ADAM2: variants seen among roughly 807,000 people sequenced by gnomAD.
ADAM2 encodes the protein disintegrin and metalloproteinase domain-containing protein 2.
In ADAM2, 101 loss-of-function variants were observed where a neutral mutation model predicts 99.3. That is an observed-to-expected ratio of 1.02 (90% confidence interval 0.87 to 1.20). ADAM2 has a LOEUF of 1.20. ADAM2 is among the 50% of genes most tolerant of loss of function. The pLI is 0.00. For missense variants in ADAM2, 948 were observed against 878.7 expected (o/e 1.08, Z -1.00); for synonymous variants, 323 against 287.6 (o/e 1.12, Z -1.25).
At chr8:39,751,785 C>A (rs1403399418) in intron 16 of ADAM2, among the ~76,000 whole-genome samples, 1 of 151,982 alleles carries the variant, frequency 6.6e-6, no homozygotes, top group Non-Finnish European at 1.5e-5. Flanking sequence ...CCTACAGAAA[C>A]CTTCTTGTTA....
At chr8:39,749,264 A>C (rs753173345) in intron 18 of ADAM2, 48 bp downstream of exon 18, 7 of 1,484,802 alleles carry the variant, frequency 4.7e-6, no homozygotes, top group Non-Finnish European at 5.5e-6. Context: ...CAATTTAATA[A>C]ATTCAAATTA....
chr8:39,817,514 A>G (rs999492731), intron 6 of ADAM2, among the ~76,000 whole-genome samples: 1 of 152,194 alleles, frequency 6.6e-6, no homozygotes, highest in African/African-American at 2.4e-5. Flanking sequence ...TAAACAAATG[A>G]TAAATGTTTA....
Position 39,749,470 on chromosome 8 carries a change from C to G in ADAM2, c.1876-20G>C. On this transcript the variant is annotated intron_variant, in intron 17 of 20. Coordinates refer to ENST00000265708, the MANE Select transcript of ADAM2 (RefSeq NM_001464.5). ...GCATACCTAAAAGAAGGAGAAATAT[C>G]ACCTTATAAGATAAGCAACTAGATT... 2 of 1,606,608 alleles carry G rather than the reference C, an allele frequency of 1.2e-6. No homozygotes were observed. The highest frequency in any genetic ancestry group is 1.7e-6 in the Non-Finnish European group (2 of 1,174,914).
At chr8:39,801,208 C>T (rs1159958654) in intron 7 of ADAM2, among the ~76,000 whole-genome samples, 1 of 152,034 alleles carries the variant, frequency 6.6e-6, no homozygotes, top group Non-Finnish European at 1.5e-5. Flanking sequence ...TTGTGGGGGC[C>T]TTTTGTTGTT....
intron 6 of ADAM2, among the ~76,000 whole-genome samples, chr8:39,810,265 G>A (rs919579177): frequency 2.6e-5 from 4 of 152,128 alleles, no homozygotes; most frequent in Admixed American, 2.6e-4. Context: ...CCAAATACAG[G>A]AGCACCCAGA....
At chr8:39,780,961 C>T (rs969270352) in intron 10 of ADAM2, among the ~76,000 whole-genome samples, 3 of 151,542 alleles carry the variant, frequency 2.0e-5, no homozygotes, top group African/African-American at 7.3e-5. Flanking sequence ...TCAATTATTG[C>T]CCTTTGGAAT....
chr8:39,771,576 T>G (rs893079527), intron 11 of ADAM2, among the ~76,000 whole-genome samples: 1 of 152,148 alleles, frequency 6.6e-6, no homozygotes. Flanking sequence ...AGTTTTAAGG[T>G]AATAAACTTG....
At chr8:39,812,750 C>T (rs1050102104) in intron 6 of ADAM2, among the ~76,000 whole-genome samples, 4 of 152,104 alleles carry the variant, frequency 2.6e-5, no homozygotes, top group Non-Finnish European at 5.9e-5. Flanking sequence ...CCCTTCCTTA[C>T]CTTATACAAA....
intron 7 of ADAM2, among the ~76,000 whole-genome samples, chr8:39,806,199 A>G (rs781315894): frequency 3.9e-5 from 6 of 152,154 alleles, no homozygotes; most frequent in East Asian, 1.9e-4. Flanking sequence ...TGACCAGTCA[A>G]TAAGATATGC....
At chr8:39,819,476 G>A (rs1361369408) in intron 6 of ADAM2, among the ~76,000 whole-genome samples, 1 of 152,020 alleles carries the variant, frequency 6.6e-6, no homozygotes, top group Non-Finnish European at 1.5e-5. Flanking sequence ...ACTTGGCTGG[G>A]CCACTGTGCC....
intron 6 of ADAM2, among the ~76,000 whole-genome samples, chr8:39,812,494 C>G (rs1224748021): frequency 2.6e-5 from 4 of 152,098 alleles, no homozygotes. Flanking sequence ...AAGAACAAAG[C>G]TGGAGGCATC....
At chr8:39,749,155 ACT>A (rs1220599877) in intron 18 of ADAM2, among the ~76,000 whole-genome samples, 155 bp downstream of exon 18, 1 of 152,032 alleles carries the variant, frequency 6.6e-6, no homozygotes, top group African/African-American at 2.4e-5. Flanking sequence ...GTAATATATT[ACT>A]CTCTGGAAGT....
intron 6 of ADAM2, among the ~76,000 whole-genome samples, chr8:39,814,100 G>A (rs1330092552): frequency 2.0e-5 from 3 of 152,040 alleles, no homozygotes; most frequent in Admixed American, 2.0e-4. Context: ...GCTCACACCT[G>A]TAATCCCAGC....
chr8:39,825,686 G>A (rs1805369846), intron 3 of ADAM2, among the ~76,000 whole-genome samples: 1 of 151,830 alleles, frequency 6.6e-6, no homozygotes, highest in South Asian at 2.1e-4. Flanking sequence ...CAAGAAAAAA[G>A]GATGTTACTT....
chr8:39,798,629 TG>T (rs1455226751), intron 7 of ADAM2, among the ~76,000 whole-genome samples: 1 of 152,220 alleles, frequency 6.6e-6, no homozygotes, highest in Non-Finnish European at 1.5e-5. Context: ...AGCTCCTCTT[TG>T]TATTTCTGGT....
Position 39,749,651 on chromosome 8 carries a change from T to G in ADAM2, c.1875+16A>C, listed in dbSNP as rs374432502. 6.2e-7 allele frequency: 1 copy of G among 1,601,448 alleles called. No homozygotes were observed. Among genetic ancestry groups the G allele is most frequent in the African/African-American group, 1.3e-5 (1 of 74,556 alleles). ...CTCAATGATTTCTATTTTCACCTCATAGTACTGCTACTTACACCTCTATCA... is the reference window on the plus strand; with the variant it reads ...CTCAATGATTTCTATTTTCACCTCAGAGTACTGCTACTTACACCTCTATCA... On this transcript the variant is annotated intron_variant, in intron 17 of 20. Transcript: ENST00000265708.
In ADAM2 at chr8:39,786,564, C is replaced by T. The variant is rs16888283; in HGVS notation, c.891+410G>A. 6.5e-3 allele frequency among the ~76,000 whole-genome samples: 983 copies of T among 151,316 alleles called. 8 individuals are homozygous for T. Among genetic ancestry groups the T allele is most frequent in the African/African-American group, 0.023 (942 of 41,192 alleles). On this transcript the variant is annotated intron_variant, in intron 10 of 20. Transcript: ENST00000265708. ...TGGTTCCGTTATTCTTTACTTATAC[C>T]CTATGAAGCATTTTAAGGCGACTGA...
intron 6 of ADAM2, among the ~76,000 whole-genome samples, chr8:39,820,721 C>T (rs1342587974): frequency 6.6e-6 from 1 of 151,978 alleles, no homozygotes; most frequent in East Asian, 1.9e-4. Flanking sequence ...AACATAATGG[C>T]TATGGGGAAA....
chr8:39,809,361 T>C (rs1264352169), intron 7 of ADAM2, 49 bp downstream of exon 7: 1 of 767,382 alleles, frequency 1.3e-6, no homozygotes. Context: ...ATTATTACAA[T>C]CCCTCATTGC....
Sources: allele counts gnomAD v4.1 joint callset (sites outside exome capture counted in the v4.1 genomes callset), GRCh38; gene constraint gnomAD v4.1.1; transcripts MANE v1.5; gene names NCBI Gene and HGNC (gene_info 2026-07-23, HGNC 2026-07-21).